WDR35: variants seen among roughly 807,000 people sequenced by gnomAD.
WDR35 encodes the protein WD repeat domain 35.
A neutral mutation model predicts 158.3 loss-of-function variants in WDR35; 118 were observed. The ratio of observed to expected loss-of-function variants is 0.75; its 90% CI spans 0.64 to 0.87. The LOEUF is 0.87. WDR35 is among the 40% of genes least tolerant of loss of function. The pLI is 0.00. For missense variants in WDR35, 1,263 were observed against 1,405.8 expected (o/e 0.90, Z 1.62); for synonymous variants, 448 against 476.1 (o/e 0.94, Z 0.77).
intron 2 of WDR35, among the ~76,000 whole-genome samples, chr2:19,983,138 A>G (rs139454000): frequency 6.6e-6 from 1 of 152,324 alleles, no homozygotes; most frequent in East Asian, 1.9e-4. Flanking sequence ...AGAGTAGCAG[A>G]AGTGACTTAA....
chr2:19,972,601 G>A (rs148378047), intron 8 of WDR35, among the ~76,000 whole-genome samples: 5 of 151,152 alleles, frequency 3.3e-5, no homozygotes, highest in East Asian at 1.9e-4. Flanking sequence ...AAATATTGTC[G>A]TTTGACAATG....
At chr2:19,925,024 T>C (rs1332318612) in intron 25 of WDR35, among the ~76,000 whole-genome samples, 1 of 152,232 alleles carries the variant, frequency 6.6e-6, no homozygotes, top group Non-Finnish European at 1.5e-5. Context: ...CATTCCAAAC[T>C]GGTGCATTTC....
chr2:19,966,578 T>A, intron 10 of WDR35, 146 bp downstream of exon 10: 2 of 840,974 alleles, frequency 2.4e-6, no homozygotes, highest in East Asian at 2.6e-5. Context: ...AGTCACAGAG[T>A]TTTCCAAAAT....
chr2:19,945,347 A>G (rs1671012512), intron 16 of WDR35, among the ~76,000 whole-genome samples: 1 of 152,194 alleles, frequency 6.6e-6, no homozygotes, highest in African/African-American at 2.4e-5. Context: ...AAATATAAAT[A>G]AGACAAAGTA....
At chr2:19,919,720 C>A (rs896245987) in intron 25 of WDR35, among the ~76,000 whole-genome samples, 4 of 151,960 alleles carry the variant, frequency 2.6e-5, no homozygotes, top group African/African-American at 9.7e-5. Flanking sequence ...CAGAAGACAA[C>A]AAATAACTAA....
chr2:19,932,849 G>C (rs754082458), intron 22 of WDR35, among the ~76,000 whole-genome samples: 3 of 151,782 alleles, frequency 2.0e-5, no homozygotes, highest in Admixed American at 6.6e-5. Context: ...AAAGCAAAAG[G>C]GGTTTTAAAA....
intron 11 of WDR35, among the ~76,000 whole-genome samples, chr2:19,956,677 G>C (rs1003039628): frequency 6.9e-6 from 1 of 144,866 alleles, no homozygotes; most frequent in Non-Finnish European, 1.5e-5. Context: ...CTGGAGTGCA[G>C]TGGCACGGTC....
At chr2:19,988,640 G>A (rs1672648498) in intron 2 of WDR35, among the ~76,000 whole-genome samples, 1 of 152,138 alleles carries the variant, frequency 6.6e-6, no homozygotes, top group Admixed American at 6.5e-5. Context: ...ATCTAGGGGG[G>A]CTAAGAAGTG....
At chr2:19,958,938 G>A in intron 11 of WDR35, among the ~76,000 whole-genome samples, 1 of 152,148 alleles carries the variant, frequency 6.6e-6, no homozygotes. Flanking sequence ...AAGAGGAAGA[G>A]TAGGTGGCAA....
intron 10 of WDR35, among the ~76,000 whole-genome samples, chr2:19,961,173 T>C (rs926864418): frequency 9.2e-5 from 14 of 152,246 alleles, no homozygotes; most frequent in Non-Finnish European, 2.1e-4. Flanking sequence ...CATCAATCCT[T>C]TATGAAAAGT....
chr2:19,954,633 C>A (rs1372673637), intron 11 of WDR35, among the ~76,000 whole-genome samples: 1 of 152,180 alleles, frequency 6.6e-6, no homozygotes, highest in Non-Finnish European at 1.5e-5. Flanking sequence ...CCACCTCACA[C>A]CCACTAGGAT....
intron 2 of WDR35, among the ~76,000 whole-genome samples, chr2:19,984,888 A>G (rs1288054606): frequency 1.3e-5 from 2 of 152,224 alleles, no homozygotes; most frequent in South Asian, 2.1e-4. Context: ...TTTGCAACAC[A>G]TAAGGATAAT....
At chr2:19,952,858 G>A (rs996000061) in intron 12 of WDR35, among the ~76,000 whole-genome samples, 3 of 135,432 alleles carry the variant, frequency 2.2e-5, no homozygotes, top group Non-Finnish European at 3.0e-5. Flanking sequence ...GCGGGATCTC[G>A]GCTCACTGCA....
chr2:19,978,694 A>C (rs560722961), intron 5 of WDR35, 57 bp downstream of exon 5: 2 of 1,611,222 alleles, frequency 1.2e-6, no homozygotes, highest in South Asian at 2.2e-5. Flanking sequence ...AAATCTCTAA[A>C]GAAGAAAACT....
chr2:19,924,496 G>T (rs781579160), intron 25 of WDR35, among the ~76,000 whole-genome samples: 1 of 152,226 alleles, frequency 6.6e-6, no homozygotes, highest in Admixed American at 6.5e-5. Flanking sequence ...CCCGGGAGGC[G>T]GAGCTTGCAG....
At chr2:19,979,772 TACACAC>T (rs67421990) in intron 4 of WDR35, among the ~76,000 whole-genome samples, 5,369 of 146,248 alleles carry the variant, frequency 0.037, 277 homozygotes, top group African/African-American at 0.11. Flanking sequence ...TTCTATCCCC[TACACAC>T]ACACACACAC....
chr2:19,932,420 T>C lies in WDR35; in HGVS notation c.2686A>G (p.Asn896Asp), dbSNP rs750320549. The C allele has an allele frequency of 1.9e-6, 3 of 1,613,210 alleles. No individual in the cohort carries two copies. In the East Asian group the frequency reaches 6.7e-5, roughly 36 times the overall value. ...GATCCAATTTCTTTCATACTATGAT[T>C]TTTAGCCAATTCAACAGCTTTGTTC... ...QWNKAVELAK[N>D]HSMKEIGSLL... The change falls in exon 23 of 27, where the codon AAT (asparagine) becomes GAT (aspartate). Residue 896 changes from asparagine to aspartate, a missense_variant. Physicochemically the swap from Asn to Asp is conservative, Grantham distance 23 (BLOSUM62 1). Coordinates refer to ENST00000281405, the MANE Select transcript of WDR35 (RefSeq NM_020779.4).
At chr2:19,972,745 G>C (rs188498718) in intron 8 of WDR35, among the ~76,000 whole-genome samples, 12 of 151,730 alleles carry the variant, frequency 7.9e-5, no homozygotes, top group Admixed American at 7.9e-4. Context: ...TAAAACAACT[G>C]GTATAGGCTT....
chr2:19,943,340 CAT>C (rs1572335059), intron 16 of WDR35, among the ~76,000 whole-genome samples: 3 of 152,040 alleles, frequency 2.0e-5, no homozygotes, highest in East Asian at 1.9e-4. Context: ...GTATTTGACA[CAT>C]GAGACTTTTA....
Sources: gnomAD v4.1 joint callset for allele counts (sites outside exome capture counted in the v4.1 genomes callset) on GRCh38, gnomAD v4.1.1 for gene constraint, MANE v1.5 for transcripts, NCBI Gene and HGNC (gene_info 2026-07-23, HGNC 2026-07-21) for gene names.